Variants in VMP1 observed in about 807,000 individuals in gnomAD.
VMP1 encodes ectopic P-granules autophagy protein 3 homolog.
A neutral mutation model predicts 56.0 loss-of-function variants in VMP1; 11 were observed. That is an observed-to-expected ratio of 0.20 (90% CI 0.12 to 0.32). The LOEUF (loss-of-function observed/expected upper bound fraction) is 0.32. Ranked by LOEUF, VMP1 falls within the 10% of genes least tolerant of loss-of-function variation. The probability of loss-of-function intolerance (pLI) is 1.00; values close to 1 mark genes in which losing one functional copy is unlikely to be tolerated. For missense variants in VMP1, 296 were observed against 490.3 expected, an observed-to-expected ratio of 0.60 and a Z score of 3.74; for synonymous variants, 149 against 165.0, an observed-to-expected ratio of 0.90 and a Z score of 0.74.
Position 59,741,385 on chromosome 17 carries a change from G to C in VMP1, c.414+2438G>C, listed in dbSNP as rs2035220383. On this transcript the variant is annotated intron_variant, in intron 5 of 11. Coordinates refer to ENST00000262291, the MANE Select transcript of VMP1 (RefSeq NM_030938.5). ...GGTGATAGGAAGAATGGATAGCAAG[G>C]AGTATTTATAAAGAGAACTTGTAGA... 2.6e-5 allele frequency among the ~76,000 whole-genome samples: 4 copies of C among 152,248 alleles called. No homozygotes were observed. In the South Asian group the frequency reaches 8.3e-4, roughly 32 times the overall value.
intron 9 of VMP1, among the ~76,000 whole-genome samples, chr17:59,816,649 C>T (rs2038242649): frequency 6.6e-6 from 1 of 151,478 alleles, no homozygotes. Flanking sequence ...ACTAAAAATA[C>T]AAAAAATTAG....
At chr17:59,759,702 G>A (rs750670959) in intron 5 of VMP1, among the ~76,000 whole-genome samples, 1 of 152,050 alleles carries the variant, frequency 6.6e-6, no homozygotes, top group Non-Finnish European at 1.5e-5. Context: ...TAGACAGCGT[G>A]TACTAATCCA....
intron 1 of VMP1, among the ~76,000 whole-genome samples, chr17:59,726,631 A>G (rs1385977122): frequency 6.6e-6 from 1 of 152,232 alleles, no homozygotes; most frequent in Non-Finnish European, 1.5e-5. Flanking sequence ...GAACTTAAGT[A>G]TAGCTTCAAG....
At chr17:59,794,219 CTTTTTTTTTT>C (rs574035691) in intron 7 of VMP1, among the ~76,000 whole-genome samples, 5 of 64,646 alleles carry the variant, frequency 7.7e-5, no homozygotes, top group African/African-American at 3.3e-4. Context: ...CGCACCCGGC[CTTTTTTTTTT>C]TTTTTTTTTT....
intron 5 of VMP1, among the ~76,000 whole-genome samples, chr17:59,740,720 A>G (rs1278086011): frequency 6.6e-6 from 1 of 152,216 alleles, no homozygotes; most frequent in Non-Finnish European, 1.5e-5. Context: ...GTAGAATAAC[A>G]CTACATTCAC....
intron 1 of VMP1, among the ~76,000 whole-genome samples, chr17:59,714,064 AAAAG>A (rs1437470176): frequency 6.6e-6 from 1 of 151,814 alleles, no homozygotes; most frequent in African/African-American, 2.4e-5. Flanking sequence ...AAAAAAAAAA[AAAAG>A]AAGGTTTCTT....
At chr17:59,818,814 G>A (rs2038338989) in intron 10 of VMP1, among the ~76,000 whole-genome samples, 1 of 152,134 alleles carries the variant, frequency 6.6e-6, no homozygotes, top group Non-Finnish European at 1.5e-5. Context: ...TTATAGGGGA[G>A]AGGTTTTCTT....
intron 9 of VMP1, 32 bp from the exon 10 acceptor site, chr17:59,817,676 CTAAA>C (rs1568204558): frequency 2.0e-6 from 3 of 1,506,334 alleles, no homozygotes; most frequent in Admixed American, 1.8e-5. Context: ...TTTTTGATGA[CTAAA>C]TAATTTATTT....
intron 10 of VMP1, among the ~76,000 whole-genome samples, chr17:59,824,429 C>T (rs1411465557): frequency 1.7e-4 from 25 of 148,008 alleles, no homozygotes; most frequent in East Asian, 4.0e-4. Context: ...AAAAATTAGC[C>T]GGGCGTGGGG....
At chr17:59,812,127 A>C (rs1443907806) in intron 9 of VMP1, among the ~76,000 whole-genome samples, 3 of 152,154 alleles carry the variant, frequency 2.0e-5, no homozygotes, top group African/African-American at 7.2e-5. Context: ...TACACAGCCC[A>C]AAAAATGTAG....
At chr17:59,831,067 C>G (rs185611038) in intron 10 of VMP1, among the ~76,000 whole-genome samples, 9 of 152,250 alleles carry the variant, frequency 5.9e-5, no homozygotes, top group South Asian at 2.1e-4. Context: ...CTCAAGCAGT[C>G]CTCCCACCTC....
In VMP1 at chr17:59,775,843, C is replaced by T. The variant is rs566569082; in HGVS notation, c.714+1958C>T. 2.1e-4 allele frequency among the ~76,000 whole-genome samples: 32 copies of T among 152,240 alleles called. No homozygotes were observed. In the South Asian group the frequency reaches 5.6e-3, roughly 27 times the overall value. On this transcript the variant is annotated intron_variant, in intron 7 of 11. Coordinates refer to ENST00000262291, the MANE Select transcript of VMP1 (RefSeq NM_030938.5). ...GACCTAATCACAATCTGTGTATCAGCCTCTATCTCAGTTATCTCAACAGAG... is the reference window on the plus strand; with the variant it reads ...GACCTAATCACAATCTGTGTATCAGTCTCTATCTCAGTTATCTCAACAGAG...
intron 8 of VMP1, 29 bp downstream of exon 8, chr17:59,808,905 T>C: frequency 6.3e-7 from 1 of 1,583,368 alleles, no homozygotes; most frequent in South Asian, 1.1e-5. Flanking sequence ...AACAGAACTT[T>C]TACTAAGTGG....
chr17:59,775,974 AG>A (rs1568125908), intron 7 of VMP1, among the ~76,000 whole-genome samples: 2 of 152,070 alleles, frequency 1.3e-5, no homozygotes, highest in Non-Finnish European at 2.9e-5. Context: ...GAACTTTGGG[AG>A]GCTGAAACAG....
chr17:59,747,044 A>T (rs1239140147), intron 5 of VMP1, among the ~76,000 whole-genome samples: 3 of 152,214 alleles, frequency 2.0e-5, no homozygotes, highest in Non-Finnish European at 2.9e-5. Context: ...GGCATTGCTA[A>T]TACAGCCAAT....
intron 5 of VMP1, among the ~76,000 whole-genome samples, chr17:59,742,855 G>A (rs1317423337): frequency 2.0e-5 from 3 of 152,142 alleles, no homozygotes; most frequent in Admixed American, 6.6e-5. Flanking sequence ...CTGCACATAC[G>A]AGGGATCTAG....
At chr17:59,804,531 C>T (rs1021029195) in intron 7 of VMP1, among the ~76,000 whole-genome samples, 12 of 146,624 alleles carry the variant, frequency 8.2e-5, no homozygotes, top group African/African-American at 1.5e-4. Context: ...AGGAGAATCA[C>T]TTGAACCCGG....
At chr17:59,714,470 A>G (rs1401631181) in intron 1 of VMP1, among the ~76,000 whole-genome samples, 1 of 152,188 alleles carries the variant, frequency 6.6e-6, no homozygotes, top group Non-Finnish European at 1.5e-5. Flanking sequence ...TGGAGGGGAC[A>G]CATACTCAAA....
chr17:59,724,223 A>G (rs1242175102), intron 1 of VMP1, among the ~76,000 whole-genome samples: 6 of 151,052 alleles, frequency 4.0e-5, no homozygotes, highest in South Asian at 2.1e-4. Flanking sequence ...AAAAAAAAAA[A>G]AAAGAAAGAA....
Sources: allele counts gnomAD v4.1 joint callset (sites outside exome capture counted in the v4.1 genomes callset), GRCh38; gene constraint gnomAD v4.1.1; transcripts MANE v1.5; gene names NCBI Gene and HGNC (gene_info 2026-07-23, HGNC 2026-07-21).